The following MYL1 variants were observed in gnomAD, a reference collection of about 807,000 sequenced individuals.
MYL1 encodes myosin light chain 1, also known as myosin light chain 1/3, skeletal muscle isoform.
Under a neutral mutation model 21.8 loss-of-function variants are expected in MYL1, and 16 were observed. The ratio of observed to expected loss-of-function variants is 0.74; its 90% CI spans 0.50 to 1.12. The LOEUF (loss-of-function observed/expected upper bound fraction) is 1.12, where lower values mean the gene tolerates loss of function less well. MYL1 is among the 50% of genes most tolerant of loss of function. The pLI, the probability that MYL1 is intolerant of heterozygous loss-of-function variation, is 0.00. For synonymous variants in MYL1, 99 were observed against 85.2 expected, an observed-to-expected ratio of 1.16 and a Z score of -0.89; for missense variants, 246 against 241.0, an observed-to-expected ratio of 1.02 and a Z score of -0.14.
chr2:210,303,450 G>T (rs1394723915), intron 1 of MYL1: 4 of 1,215,672 alleles, frequency 3.3e-6, no homozygotes, highest in Non-Finnish European at 4.6e-6. Flanking sequence ...TCTCTCCTCA[G>T]TTCCATTTTT....
intron 5 of MYL1, among the ~76,000 whole-genome samples, chr2:210,292,557 A>ATT (rs35943746): frequency 6.8e-6 from 1 of 146,564 alleles, no homozygotes. Flanking sequence ...TATTAATTGA[A>ATT]TTTTTTTTTT....
chr2:210,304,561 G>A (rs1489122835), intron 1 of MYL1, among the ~76,000 whole-genome samples: 1 of 152,042 alleles, frequency 6.6e-6, no homozygotes, highest in Admixed American at 6.6e-5. Flanking sequence ...TATTATTTTT[G>A]AGACAGAGTC....
At chr2:210,303,504 C>G (rs745945383) in intron 1 of MYL1, 4 of 1,584,868 alleles carry the variant, frequency 2.5e-6, no homozygotes, top group Admixed American at 3.4e-5. Flanking sequence ...TATCTATTTT[C>G]TCCTATAAAT....
intron 3 of MYL1, among the ~76,000 whole-genome samples, chr2:210,297,439 T>A (rs1419584371): frequency 6.6e-6 from 1 of 152,032 alleles, no homozygotes; most frequent in Admixed American, 6.6e-5. Flanking sequence ...TTAAAATACA[T>A]CTGTTGGCCA....
chr2:210,293,838 T>C (rs2125738716), intron 4 of MYL1, 38 bp from the exon 5 acceptor site: 2 of 1,592,166 alleles, frequency 1.3e-6, no homozygotes, highest in Non-Finnish European at 1.7e-6. Flanking sequence ...AAGAAGGCCA[T>C]GTGTTATTTT....
At chr2:210,298,322 T>TACACACACACACATACTACACACACAC in intron 3 of MYL1, 98 bp downstream of exon 3, 1 of 1,279,470 alleles carries the variant, frequency 7.8e-7, no homozygotes, top group Non-Finnish European at 1.1e-6. Flanking sequence ...ACACACATAC[T>TACACACACACACATACTACACACACAC]ACACACACAC....
At chr2:210,308,926 C>T (rs1163524295) in intron 1 of MYL1, among the ~76,000 whole-genome samples, 1 of 151,836 alleles carries the variant, frequency 6.6e-6, no homozygotes, top group Admixed American at 6.6e-5. Context: ...CTGCTTCTTC[C>T]TATTTGTCTG....
intron 1 of MYL1, among the ~76,000 whole-genome samples, chr2:210,310,705 T>C (rs1690405993): frequency 6.6e-6 from 1 of 151,956 alleles, no homozygotes; most frequent in Non-Finnish European, 1.5e-5. Flanking sequence ...GAGAACAGAA[T>C]AGTAGTGAAC....
chr2:210,298,593 C>T, intron 2 of MYL1, 30 bp from the exon 3 acceptor site: 1 of 1,612,722 alleles, frequency 6.2e-7, no homozygotes, highest in Non-Finnish European at 8.5e-7. Context: ...TTAGAGTGCT[C>T]TTTTCTTCCT....
At chr2:210,303,390 G>A (rs1159429403) in intron 1 of MYL1, 6 of 534,728 alleles carry the variant, frequency 1.1e-5, no homozygotes, top group Admixed American at 8.1e-5. Flanking sequence ...ATCTTTAATG[G>A]ATCTCAACAA....
In MYL1 at chr2:210,314,882, G is replaced by T. The variant is rs780298658; in HGVS notation, c.132+29C>A. Reference sequence around the variant, plus strand: ...ATCCTTACTATTGAAAGATGTTTCAGTGACCAAACAGTTCATCCATTTAGT... The same window carrying T: ...ATCCTTACTATTGAAAGATGTTTCATTGACCAAACAGTTCATCCATTTAGT... On this transcript the variant is annotated intron_variant, in intron 1 of 6. Coordinates refer to ENST00000352451, the MANE Select transcript of MYL1 (RefSeq NM_079420.3). 1.1e-5 allele frequency: 17 copies of T among 1,612,356 alleles called. No individual in the cohort carries two copies. The East Asian group carries it at 3.8e-4, about 36-fold the overall frequency.
intron 1 of MYL1, 52 bp from the exon 2 acceptor site, chr2:210,302,567 C>A: frequency 1.3e-6 from 2 of 1,582,660 alleles, no homozygotes; most frequent in Admixed American, 1.8e-5. Context: ...CAAAAATGTG[C>A]TGATTTTTAG....
chr2:210,314,228 T>C (rs1275229470), intron 1 of MYL1, among the ~76,000 whole-genome samples: 1 of 152,204 alleles, frequency 6.6e-6, no homozygotes, highest in East Asian at 1.9e-4. Flanking sequence ...ACAAATTTTA[T>C]AATTATTTTT....
intron 1 of MYL1, among the ~76,000 whole-genome samples, chr2:210,306,704 T>G (rs1035326031): frequency 6.6e-6 from 1 of 151,946 alleles, no homozygotes; most frequent in African/African-American, 2.4e-5. Context: ...AAATCCAATT[T>G]TTTTCCTCTG....
chr2:210,299,867 C>T (rs1393915375), intron 2 of MYL1, among the ~76,000 whole-genome samples: 3 of 152,068 alleles, frequency 2.0e-5, no homozygotes, highest in Admixed American at 1.3e-4. Context: ...TCAGTGGTTT[C>T]AGATCAAAAG....
intron 5 of MYL1, 28 bp downstream of exon 5, chr2:210,293,695 T>C (rs375840031): frequency 6.2e-7 from 1 of 1,605,264 alleles, no homozygotes; most frequent in African/African-American, 1.3e-5. Flanking sequence ...TAAGAGTTGC[T>C]GTAACCACCA....
chr2:210,305,703 C>A (rs749722055), intron 1 of MYL1, among the ~76,000 whole-genome samples: 2 of 151,882 alleles, frequency 1.3e-5, no homozygotes, highest in Non-Finnish European at 2.9e-5. Flanking sequence ...AGTGTCCTTG[C>A]CTAGATATAA....
At chr2:210,307,393 T>A (rs1158796191) in intron 1 of MYL1, among the ~76,000 whole-genome samples, 1 of 152,134 alleles carries the variant, frequency 6.6e-6, no homozygotes, top group Non-Finnish European at 1.5e-5. Flanking sequence ...TATCCTAAGC[T>A]CCCCCTTCAA....
intron 2 of MYL1, among the ~76,000 whole-genome samples, chr2:210,300,102 C>A (rs900889952): frequency 1.3e-5 from 2 of 152,092 alleles, no homozygotes; most frequent in Non-Finnish European, 2.9e-5. Flanking sequence ...TATTATTTTT[C>A]ATCTTTCTAA....
Sources: allele counts gnomAD v4.1 joint callset (sites outside exome capture counted in the v4.1 genomes callset), GRCh38; gene constraint gnomAD v4.1.1; transcripts MANE v1.5; gene names NCBI Gene and HGNC (gene_info 2026-07-23, HGNC 2026-07-21).